The following WDR11 variants were observed in gnomAD, a reference collection of about 807,000 sequenced individuals.
The protein encoded by WDR11 is WD repeat-containing protein 11.
WDR11 carries 83 observed loss-of-function variants against 151.2 expected under a neutral mutation model. That is an observed-to-expected ratio of 0.55 (90% CI 0.46 to 0.66). The LOEUF (loss-of-function observed/expected upper bound fraction) is 0.66. WDR11 is among the 30% of genes least tolerant of loss of function. The pLI, the probability that WDR11 is intolerant of heterozygous loss-of-function variation, is 0.00. For missense variants in WDR11, 1,301 were observed against 1,480.9 expected (o/e 0.88, Z 1.99); for synonymous variants, 484 against 533.1 (o/e 0.91, Z 1.27).
intron 19 of WDR11, among the ~76,000 whole-genome samples, chr10:120,897,372 G>A (rs945948927): frequency 1.8e-4 from 28 of 152,248 alleles, no homozygotes; most frequent in African/African-American, 6.5e-4. Context: ...GTAAAAGGAT[G>A]TTTGAGAATA....
In WDR11 at chr10:120,906,824, G is replaced by C. The variant is rs762136069; in HGVS notation, c.3486G>C (p.Lys1162Asn). ...CCTTATTTGTGGAAGCTTGCCTCAA[G>C]TATGGAGCATTTGAAGTCACTGAGG... is the stretch of plus-strand genomic sequence containing the variant. ...RAALFVEACL[K>N]YGAFEVTEDT... The change falls in exon 28 of 29, where the codon AAG (lysine) becomes AAC (asparagine). Residue 1162 changes from lysine (K) to asparagine (N), a missense_variant. This residue lies in a region of WDR11 where 589 missense variants were observed against 670.6 expected (regional missense o/e 0.88). Coordinates refer to ENST00000263461, the MANE Select transcript of WDR11 (RefSeq NM_018117.12). 9 of 1,614,200 alleles carry C rather than the reference G, an allele frequency of 5.6e-6. No homozygotes were observed. The highest frequency in any genetic ancestry group is 1.6e-4 in the Middle Eastern group (1 of 6,062).
Position 120,866,013 on chromosome 10 carries a change from A to AT in WDR11, c.994+283dup, listed in dbSNP as rs765369808. On this transcript the variant is annotated intron_variant, in intron 7 of 28. Transcript: ENST00000263461. ...AGCCAAGTAGATATTATTTTTTGGA[A>AT]TTTTTTTTTTTTTTCAGTACAAGTC... 3.5e-3 allele frequency among the ~76,000 whole-genome samples: 511 copies of AT among 144,190 alleles called. 2 individuals are homozygous for AT. Among genetic ancestry groups the AT allele is most frequent in the African/African-American group, 8.5e-3 (337 of 39,658 alleles). The allele number at this position is 144,190 out of a possible 152,430, so 94.6% of individuals were successfully genotyped here.
chr10:120,874,176 G>GTTTTTTTTTT (rs66873217), intron 11 of WDR11, among the ~76,000 whole-genome samples: 51 of 83,456 alleles, frequency 6.1e-4, no homozygotes, highest in Admixed American at 1.3e-3. Flanking sequence ...GGTTTTTGCA[G>GTTTTTTTTTT]TTTTTTTTTT....
Position 120,858,694 on chromosome 10 carries a change from T to A in WDR11, c.250T>A (p.Leu84Ile). ...YHHNIGSPYC[L>I]RLASADVNGK... ...CCATAACATTGGCTCACCATATTGC[T>A]TACGGTTAGCTTCTGCTGATGTCAA... is the stretch of plus-strand genomic sequence containing the variant. The change falls in exon 3 of 29, where the codon TTA becomes ATA. Residue 84 changes from leucine to isoleucine, a missense_variant. This residue lies in a region of WDR11 where 692 missense variants were observed against 762.5 expected (regional missense o/e 0.91). Transcript: ENST00000263461. 6.2e-7 allele frequency: 1 copy of A among 1,614,238 alleles called. No individual in the cohort carries two copies. The highest frequency in any genetic ancestry group is 8.5e-7 in the Non-Finnish European group (1 of 1,180,036).
chr10:120,855,393 G>A (rs1346668757), intron 2 of WDR11, among the ~76,000 whole-genome samples: 3 of 151,900 alleles, frequency 2.0e-5, no homozygotes, highest in East Asian at 1.9e-4. Flanking sequence ...AGACTTTTTT[G>A]TGTCATATGT....
At chr10:120,854,066 A>T (rs188605016) in intron 2 of WDR11, among the ~76,000 whole-genome samples, 185 of 152,296 alleles carry the variant, frequency 1.2e-3, no homozygotes, top group Non-Finnish European at 1.9e-3. Context: ...AAATGTACTG[A>T]CTTAAAATGC....
At position 120,886,717 on chromosome 10, in the gene WDR11, G is replaced by A; in HGVS notation, c.2002G>A (p.Glu668Lys). ...GCTGCAGGAGGCAGAAAGTAAATCT[G>A]AACTTAGTCAGAACATCTCTGCCCG... ...SLLQEAESKS[E>K]LSQNISAREH... Residue 668 changes from glutamate (E) to lysine (K), a missense_variant, in exon 16 of 29, where the codon GAA becomes AAA. Glu to Lys is a moderately conservative substitution (Grantham distance 56). Coordinates refer to ENST00000263461, the MANE Select transcript of WDR11 (RefSeq NM_018117.12). 6.2e-7 allele frequency: 1 copy of A among 1,613,886 alleles called. No individual in the cohort carries two copies. The highest frequency in any genetic ancestry group is 2.2e-5 in the East Asian group (1 of 44,854).
chr10:120,852,626 T>C lies in WDR11; in HGVS notation c.189T>C (p.Asp63=), dbSNP rs374596442. 2 of 1,613,706 alleles carry C rather than the reference T, an allele frequency of 1.2e-6. No homozygotes were observed. Among genetic ancestry groups the C allele is most frequent in the Non-Finnish European group, 1.7e-6 (2 of 1,179,826 alleles). Reference sequence around the variant, plus strand: ...AAGTTTTAGAAAAGCATAAAGCTGATGTTGTAAAGGTAAGTAAAATCCCAC... The same window carrying C: ...AAGTTTTAGAAAAGCATAAAGCTGACGTTGTAAAGGTAAGTAAAATCCCAC... ...TLQVLEKHKA[D]VVKVKWAREN... Residue 63 remains aspartate (D), a synonymous_variant, in exon 2 of 29, where the codon GAT becomes GAC. Coordinates refer to ENST00000263461, the MANE Select transcript of WDR11 (RefSeq NM_018117.12).
intron 2 of WDR11, among the ~76,000 whole-genome samples, chr10:120,858,013 A>C (rs1846012383): frequency 6.6e-6 from 1 of 152,160 alleles, no homozygotes; most frequent in Admixed American, 6.5e-5. Flanking sequence ...AGGACTATGA[A>C]ATTTTTCCCT....
intron 5 of WDR11, among the ~76,000 whole-genome samples, chr10:120,864,359 G>A (rs1846240934): frequency 6.6e-6 from 1 of 152,130 alleles, no homozygotes; most frequent in Non-Finnish European, 1.5e-5. Flanking sequence ...GTACATAATT[G>A]TATGTCTATT....
chr10:120,862,374 A>G lies in WDR11; in HGVS notation c.527-361A>G, dbSNP rs1005625148. On this transcript the variant is annotated intron_variant, in intron 4 of 28. Coordinates refer to ENST00000263461, the MANE Select transcript of WDR11 (RefSeq NM_018117.12). ...AGGCTGGTCTCGAACTCCTGACTTC[A>G]TGATCTGCCTGCCTCTGCCTCCCAA... 6.6e-5 allele frequency: 14 copies of G among 213,046 alleles called. No individual in the cohort carries two copies. In the Admixed American group the frequency reaches 7.7e-4, roughly 12 times the overall value. 13.2% of individuals were successfully genotyped at this position (213,046 alleles called of 1,614,324 possible).
rs1425985152 is a variant in WDR11, at chr10:120,878,494, T to C, written c.1663+35T>C. The C allele has an allele frequency of 4.6e-6, 7 of 1,526,970 alleles. No individual in the cohort carries two copies. In the African/African-American group the frequency reaches 5.5e-5, roughly 12 times the overall value. The allele number at this position is 1,526,970 out of a possible 1,614,324, so 94.6% of individuals were successfully genotyped here. A position where few individuals can be genotyped will look rare whatever the true frequency, so the allele number is the denominator to read the frequency against. ...TAAAGATCCAAATAGGTTTGTCATA[T>C]TGAATAAACATGTTGCCATTTATAA... is the stretch of plus-strand genomic sequence containing the variant. On this transcript the variant is annotated intron_variant, in intron 12 of 28. Transcript: ENST00000263461.
chr10:120,886,876 T>C (rs771298695), intron 16 of WDR11, 40 bp downstream of exon 16: 11 of 1,611,298 alleles, frequency 6.8e-6, no homozygotes, highest in Non-Finnish European at 9.3e-6. Context: ...AAGAAGATTT[T>C]GTTTTGTTGG....
chr10:120,870,869 G>A (rs1846512395), intron 9 of WDR11, among the ~76,000 whole-genome samples: 1 of 152,170 alleles, frequency 6.6e-6, no homozygotes. Flanking sequence ...TCTGAAGCCT[G>A]TGTAGTGCTT....
intron 2 of WDR11, among the ~76,000 whole-genome samples, chr10:120,854,545 CAT>C (rs935617300): frequency 1.9e-4 from 29 of 152,302 alleles, no homozygotes; most frequent in African/African-American, 6.7e-4. Context: ...ATTACTGACT[CAT>C]ATGGTAACTC....
chr10:120,894,974 C>T (rs1244075257), intron 19 of WDR11, among the ~76,000 whole-genome samples: 3 of 152,118 alleles, frequency 2.0e-5, no homozygotes, highest in Non-Finnish European at 4.4e-5. Context: ...CATTGGGATG[C>T]TGTCAACAAT....
At position 120,903,095 on chromosome 10, in the gene WDR11, G is replaced by A. The variant is rs781250873; in HGVS notation, c.2794G>A (p.Ala932Thr). The A allele has an allele frequency of 3.7e-6, 6 of 1,614,100 alleles. No homozygotes were observed. The highest frequency in any genetic ancestry group is 2.2e-5 in the East Asian group (1 of 44,884). Reference sequence around the variant, plus strand: ...ATCGGAGCTGCACTTCTGGACTGTCGCTGCCCACTACCTGCACAGCTTATC... The same window carrying A: ...ATCGGAGCTGCACTTCTGGACTGTCACTGCCCACTACCTGCACAGCTTATC... ...DESELHFWTV[A>T]AHYLHSLSQE... is the part of the protein sequence containing the mutation. Residue 932 changes from alanine (A) to threonine (T), a missense_variant, in exon 23 of 29, where the codon GCT becomes ACT. Physicochemically the swap from Ala to Thr is moderately conservative, Grantham distance 58 (BLOSUM62 0). Coordinates refer to ENST00000263461, the MANE Select transcript of WDR11 (RefSeq NM_018117.12).
intron 4 of WDR11, chr10:120,862,529 C>T: frequency 1.8e-6 from 1 of 557,114 alleles, no homozygotes; most frequent in Non-Finnish European, 3.2e-6. Flanking sequence ...ATATAGAATG[C>T]CAAGCTTGGA....
intron 4 of WDR11, among the ~76,000 whole-genome samples, chr10:120,861,172 G>A (rs1846123175): frequency 1.3e-5 from 2 of 152,106 alleles, no homozygotes; most frequent in African/African-American, 2.4e-5. Context: ...GGTAAGGAAT[G>A]TTTTTCCTGG....
Sources: gnomAD v4.1 joint callset for allele counts (sites outside exome capture counted in the v4.1 genomes callset) on GRCh38, gnomAD v4.1.1 for gene constraint, gnomAD v4.1.1 regional missense constraint, MANE v1.5 for transcripts, NCBI Gene and HGNC (gene_info 2026-07-23, HGNC 2026-07-21) for gene names.